The following MYLK3 variants were observed in gnomAD, a reference collection of about 807,000 sequenced individuals.
The protein encoded by MYLK3 is MLC kinase.
MYLK3 carries 55 observed loss-of-function variants against 76.3 expected under a neutral mutation model. The observed-to-expected ratio is 0.72, with a 90% CI of 0.58 to 0.90. MYLK3 has a LOEUF of 0.90. Ranked by LOEUF, MYLK3 falls within the 40% of genes least tolerant of loss-of-function variation. The probability of loss-of-function intolerance (pLI) is 0.00; values close to 1 mark genes in which losing one functional copy is unlikely to be tolerated. For synonymous variants in MYLK3, 416 were observed against 425.4 expected (o/e 0.98, Z 0.27); for missense variants, 973 against 1,053.6 (o/e 0.92, Z 1.06).
upstream of MYLK3, among the ~76,000 whole-genome samples, chr16:46,748,558 T>C (rs1283869805): frequency 6.6e-6 from 1 of 152,088 alleles, no homozygotes; most frequent in Non-Finnish European, 1.5e-5. This position sits in a 1 kb window ranked among gnomAD's most constrained non-coding sequence, Gnocchi z 4.3. Context: ...ATGCAACTAA[T>C]GGTTCGGAGG....
Position 46,737,955 on chromosome 16 carries a change from T to C in MYLK3, c.757A>G (p.Thr253Ala). 1 of 1,614,088 alleles carries C rather than the reference T, an allele frequency of 6.2e-7. No homozygotes were observed. The highest frequency in any genetic ancestry group is 8.5e-7 in the Non-Finnish European group (1 of 1,180,002). Residue 253 changes from threonine (T) to alanine (A), a missense_variant, in exon 3 of 13, where the codon ACA becomes GCA. Thr to Ala is a moderately conservative substitution (Grantham distance 58). Around this residue, in one of 2 missense-constraint regions of MYLK3, gnomAD observed 641 missense variants for 637.0 expected, o/e 1.01. Transcript: ENST00000394809. ...CCAGTCCTGAGGTTCTCGCTGGGTG[T>C]CTCAGGAGCCTTGGCTTCCACCTTT... ...PTKVEAKAPE[T>A]PSENLRTGLE...
rs1355816319 is a variant in MYLK3 at position 46,706,795 on chromosome 16, G to T, written c.*909C>A. 6.6e-6 allele frequency: 1 copy of T among 152,230 alleles called. No homozygotes were observed. The highest frequency in any genetic ancestry group is 1.5e-5 in the Non-Finnish European group (1 of 68,056). The allele number at this position is 152,230 out of a possible 1,614,324, so 9.4% of individuals were successfully genotyped here. A position where few individuals can be genotyped will look rare whatever the true frequency, so the allele number is the denominator to read the frequency against. On this transcript the variant is annotated 3_prime_UTR_variant, in exon 13 of 13. Transcript: ENST00000394809. ...TGTCTCAGGGGTGACAAAGGTGAAA[G>T]AAAATCCACATTTAAGTTGACTGCA... is the stretch of plus-strand genomic sequence containing the variant.
Position 46,732,574 on chromosome 16 carries a change from C to A in MYLK3, c.1096G>T (p.Ala366Ser), listed in dbSNP as rs763416838. The change falls in exon 4 of 13, where the codon GCA becomes TCA. Residue 366 changes from alanine to serine, a missense_variant. Physicochemically the swap from Ala to Ser is moderately conservative, Grantham distance 99. Transcript: ENST00000394809. ...CCCTGCTTGCCTGGCTGGGCAGCTG[C>A]TGGAGCCTCTGTGGTGAGGGTGGGT... ...LGPTLTTEAP[A>S]AAQPGKQGPP... 1.3e-6 allele frequency: 2 copies of A among 1,598,952 alleles called. No homozygotes were observed. The highest frequency in any genetic ancestry group is 1.7e-6 in the Non-Finnish European group (2 of 1,179,378).
Position 46,748,280 on chromosome 16 carries a change from G to T in MYLK3, c.-87C>A, listed in dbSNP as rs1182125425. The T allele has an allele frequency of 1.0e-5, 15 of 1,489,346 alleles. No individual in the cohort carries two copies. Among genetic ancestry groups the T allele is most frequent in the South Asian group, 2.7e-5 (2 of 74,106 alleles). The allele number at this position is 1,489,346 out of a possible 1,614,324, so 92.3% of individuals were successfully genotyped here. A position where few individuals can be genotyped will look rare whatever the true frequency, so the allele number is the denominator to read the frequency against. ...TCACTCAGGCGGTGGTGTCTGCAAG[G>T]TCATTGTCCTCCGTAGCTGACAGAC... On this transcript the variant is annotated 5_prime_UTR_variant, in exon 1 of 13. Coordinates refer to ENST00000394809, the MANE Select transcript of MYLK3 (RefSeq NM_182493.3). The surrounding 1 kb of genome is among the most constrained non-coding windows in gnomAD (Gnocchi z 4.3).
chr16:46,740,112 T>C lies in MYLK3; in HGVS notation c.513A>G (p.Pro171=), dbSNP rs201406969. 5 of 1,613,900 alleles carry C rather than the reference T, an allele frequency of 3.1e-6. No homozygotes were observed. In the South Asian group the frequency reaches 3.3e-5, roughly 11 times the overall value. ...KERVEEEGGK[P]KHVLSTSGVQ... ...CCCCACTGGTGCTCAGCACATGCTT[T>C]GGTTTTCCTCCCTCTTCTTCCACTC... The change falls in exon 2 of 13, where the codon CCA becomes CCG. Residue 171 remains proline (P), a synonymous_variant. Transcript: ENST00000394809.
rs1966976130 is a variant in MYLK3 at position 46,743,996 on chromosome 16, T to C, written c.477+3721A>G. On this transcript the variant is annotated intron_variant, in intron 1 of 12. Coordinates refer to ENST00000394809, the MANE Select transcript of MYLK3 (RefSeq NM_182493.3). The stretch of plus-strand genomic sequence containing the variant: ...TAGCTTTAAGAGACATATAAATAAT[T>C]GTCTTATCTGGGTCTGATACAAATA... Among the ~76,000 whole-genome samples, 8 of 152,336 alleles carry C rather than the reference T, an allele frequency of 5.3e-5. No homozygotes were observed. In the South Asian group the frequency reaches 1.5e-3, roughly 28 times the overall value.
In MYLK3 at chr16:46,718,029, G is replaced by A. The variant is rs77410206; in HGVS notation, c.1985+3094C>T. ...TATTGCCCCATGGGGGACAAACATT[G>A]GTTCTTGGGGGACAAAACAACCTTA... On this transcript the variant is annotated intron_variant, in intron 9 of 12. Transcript: ENST00000394809. Among the ~76,000 whole-genome samples the A allele has an allele frequency of 3.4e-3, 521 of 152,302 alleles. 5 individuals are homozygous for A. The highest frequency in any genetic ancestry group is 0.017 in the Middle Eastern group (5 of 294).
At chr16:46,730,081 C>G in intron 5 of MYLK3, 1 of 370,420 alleles carries the variant, frequency 2.7e-6, no homozygotes, top group Non-Finnish European at 5.0e-6. Flanking sequence ...CCATCCTGCA[C>G]CCCAGGGAAC....
At chr16:46,711,151 C>G (rs1006255008) in intron 10 of MYLK3, among the ~76,000 whole-genome samples, 2 of 152,172 alleles carry the variant, frequency 1.3e-5, no homozygotes, top group Admixed American at 1.3e-4. Flanking sequence ...GTCCTTGAGA[C>G]AGCCAGGCTT....
At chr16:46,748,822 T>C (rs1967075634), upstream of MYLK3, among the ~76,000 whole-genome samples, 1 of 152,182 alleles carries the variant, frequency 6.6e-6, no homozygotes, top group African/African-American at 2.4e-5. The surrounding 1 kb of genome is among the most constrained non-coding windows in gnomAD (Gnocchi z 4.3). Context: ...GTTCAGAACA[T>C]GTGTTTAGAC....
chr16:46,743,098 T>C (rs550360649), intron 1 of MYLK3, among the ~76,000 whole-genome samples: 1 of 152,308 alleles, frequency 6.6e-6, no homozygotes, highest in Non-Finnish European at 1.5e-5. Context: ...GTTTCTGTGC[T>C]TCCTCACACA....
intron 10 of MYLK3, among the ~76,000 whole-genome samples, chr16:46,711,369 C>G (rs772178430): frequency 2.6e-5 from 4 of 152,094 alleles, no homozygotes; most frequent in Admixed American, 2.0e-4. Context: ...ATGACTTTAC[C>G]TCTGAGGAAG....
chr16:46,731,136 C>T (rs1441132163), intron 4 of MYLK3, among the ~76,000 whole-genome samples: 5 of 152,214 alleles, frequency 3.3e-5, no homozygotes, highest in Admixed American at 3.3e-4. Flanking sequence ...GAGAAATAAA[C>T]ATCCACCCTC....
upstream of MYLK3, among the ~76,000 whole-genome samples, chr16:46,749,374 G>A (rs1405396179): frequency 6.6e-6 from 1 of 152,262 alleles, no homozygotes; most frequent in Non-Finnish European, 1.5e-5. Context: ...CATGGGCAGG[G>A]CTGCCCCCAA....
upstream of MYLK3, among the ~76,000 whole-genome samples, chr16:46,752,097 G>A (rs748588542): frequency 1.8e-4 from 27 of 152,016 alleles, no homozygotes; most frequent in African/African-American, 6.0e-4. Flanking sequence ...ATCCTCTCGC[G>A]GAAAAAGACA....
chr16:46,736,973 C>T (rs917520342), intron 3 of MYLK3, among the ~76,000 whole-genome samples: 2 of 152,236 alleles, frequency 1.3e-5, no homozygotes, highest in South Asian at 2.1e-4. Flanking sequence ...GCAGCTGCCA[C>T]GACTCCACCT....
At chr16:46,728,267 C>T (rs1157699898) in intron 7 of MYLK3, among the ~76,000 whole-genome samples, 1 of 152,164 alleles carries the variant, frequency 6.6e-6, no homozygotes, top group Non-Finnish European at 1.5e-5. Flanking sequence ...CCTGGTCACC[C>T]TGTATACAAA....
intron 9 of MYLK3, among the ~76,000 whole-genome samples, chr16:46,720,495 T>C (rs757058839): frequency 1.3e-5 from 2 of 152,192 alleles, no homozygotes; most frequent in Non-Finnish European, 2.9e-5. Flanking sequence ...GCCACTGTGC[T>C]GGGCCTACAA....
chr16:46,754,764 A>G (rs1043782317), intron 1 of MYLK3, among the ~76,000 whole-genome samples: 2 of 152,224 alleles, frequency 1.3e-5, no homozygotes, highest in Non-Finnish European at 2.9e-5. Context: ...CCTAAAAACA[A>G]CTGGATGCTG....
Sources: gnomAD v4.1 joint callset for allele counts (sites outside exome capture counted in the v4.1 genomes callset) on GRCh38, gnomAD v4.1.1 for gene constraint, gnomAD v4.1.1 regional missense constraint, Gnocchi (gnomAD v3.1) non-coding constraint, MANE v1.5 for transcripts, NCBI Gene and HGNC (gene_info 2026-07-23, HGNC 2026-07-21) for gene names.